Variants in CSMD1 observed in about 807,000 individuals in gnomAD.
CSMD1 encodes CUB and Sushi multiple domains 1, also known as CUB and sushi domain-containing protein 1.
A neutral mutation model predicts 417.5 loss-of-function variants in CSMD1; 213 were observed. The ratio of observed to expected loss-of-function variants is 0.51; its 90% CI spans 0.46 to 0.57. The LOEUF (loss-of-function observed/expected upper bound fraction) is 0.57, where lower values mean the gene tolerates loss of function less well. CSMD1 is among the 20% of genes least tolerant of loss of function. CSMD1 has a pLI of 0.00. For missense variants in CSMD1, 6,923 were observed against 4,529.7 expected, an observed-to-expected ratio of 1.53 and a Z score of -15.17; for synonymous variants, 2,862 against 1,736.8, an observed-to-expected ratio of 1.65 and a Z score of -16.11.
At chr8:4,199,243 G>T (rs1266535010) in intron 3 of CSMD1, among the ~76,000 whole-genome samples, 1 of 152,220 alleles carries the variant, frequency 6.6e-6, no homozygotes, top group Non-Finnish European at 1.5e-5. Flanking sequence ...CTAGCCTATA[G>T]TGTGAACACG....
At position 2,939,334 on chromosome 8, in the gene CSMD1, G is replaced by A. The variant is rs141297133; in HGVS notation, c.10536-590C>T. Among the ~76,000 whole-genome samples, 12 of 152,228 alleles carry A rather than the reference G, an allele frequency of 7.9e-5. No homozygotes were observed. In the East Asian group the frequency reaches 9.6e-4, roughly 12 times the overall value. On this transcript the variant is annotated intron_variant, in intron 69 of 69. Coordinates refer to ENST00000635120, the MANE Select transcript of CSMD1 (RefSeq NM_033225.6). ...AAGTTTAAGCTTTTAGTTCACTGTC[G>A]TTACTAATATTCACAAAAAGTTATT...
At chr8:3,113,580 A>G (rs1816668334) in intron 42 of CSMD1, among the ~76,000 whole-genome samples, 1 of 152,228 alleles carries the variant, frequency 6.6e-6, no homozygotes, top group South Asian at 2.1e-4. Context: ...ATGCCCAGGT[A>G]CCCTGGCGCC....
chr8:4,462,543 C>A (rs897061858), intron 2 of CSMD1, among the ~76,000 whole-genome samples: 3 of 152,068 alleles, frequency 2.0e-5, no homozygotes, highest in African/African-American at 7.2e-5. Context: ...TCAAAACAAT[C>A]TTTAAAAAAG....
chr8:4,440,948 G>A (rs997902058), intron 2 of CSMD1, among the ~76,000 whole-genome samples: 2 of 150,530 alleles, frequency 1.3e-5, no homozygotes, highest in Non-Finnish European at 2.9e-5. Flanking sequence ...AGCGAGCCGA[G>A]ATCATGCCAC....
chr8:3,398,855 A>G (rs991471437), intron 16 of CSMD1, among the ~76,000 whole-genome samples: 1 of 152,198 alleles, frequency 6.6e-6, no homozygotes, highest in African/African-American at 2.4e-5. Flanking sequence ...TTTTTAGATC[A>G]TGAAATGCAT....
chr8:4,228,369 C>G (rs187960442), intron 3 of CSMD1, among the ~76,000 whole-genome samples: 37 of 152,122 alleles, frequency 2.4e-4, no homozygotes, highest in Non-Finnish European at 7.3e-5. Flanking sequence ...CAGTTTTCCT[C>G]TGAAACCGCT....
At chr8:4,458,774 A>G (rs1476465036) in intron 2 of CSMD1, among the ~76,000 whole-genome samples, 2 of 152,140 alleles carry the variant, frequency 1.3e-5, no homozygotes, top group African/African-American at 4.8e-5. Context: ...ATTGAATAAG[A>G]TAACGGTTAG....
chr8:3,825,911 G>A (rs1802030630), intron 5 of CSMD1, among the ~76,000 whole-genome samples: 1 of 152,176 alleles, frequency 6.6e-6, no homozygotes, highest in African/African-American at 2.4e-5. Flanking sequence ...AATCAGACAT[G>A]CAGGTAAGAA....
chr8:3,226,509 G>T (rs1489775679), intron 27 of CSMD1, among the ~76,000 whole-genome samples: 1 of 151,296 alleles, frequency 6.6e-6, no homozygotes, highest in Non-Finnish European at 1.5e-5. Context: ...CTTGAACCTG[G>T]GAGCGGAGGC....
chr8:3,724,593 G>C (rs988129396), intron 6 of CSMD1, among the ~76,000 whole-genome samples: 3 of 152,138 alleles, frequency 2.0e-5, no homozygotes, highest in South Asian at 2.1e-4. Context: ...GAATTAGGGA[G>C]GGGGAATGAG....
Position 3,453,639 on chromosome 8 carries a change from T to C in CSMD1, c.1561+15073A>G, listed in dbSNP as rs534326485. The stretch of plus-strand genomic sequence containing the variant: ...GAGTAGTTTTGAGAGACTTTCTTAA[T>C]CCTGAATTGTAGTTTTATTGCACTG... On this transcript the variant is annotated intron_variant, in intron 12 of 69. Coordinates refer to ENST00000635120, the MANE Select transcript of CSMD1 (RefSeq NM_033225.6). 1.2e-4 allele frequency among the ~76,000 whole-genome samples: 19 copies of C among 152,364 alleles called. 2 individuals carry two copies. The South Asian group carries it at 3.5e-3, about 28-fold the overall frequency.
At chr8:4,449,577 C>A (rs1425424266) in intron 2 of CSMD1, among the ~76,000 whole-genome samples, 1 of 152,260 alleles carries the variant, frequency 6.6e-6, no homozygotes, top group East Asian at 1.9e-4. Context: ...AATTATTTAG[C>A]CATTCCCATA....
chr8:3,395,763 A>C (rs1437033935), intron 17 of CSMD1, among the ~76,000 whole-genome samples: 1 of 152,134 alleles, frequency 6.6e-6, no homozygotes, highest in Non-Finnish European at 1.5e-5. Flanking sequence ...GTCTATCTAT[A>C]CTCAGATTCG....
At chr8:3,510,764 G>T (rs932199298) in intron 10 of CSMD1, among the ~76,000 whole-genome samples, 7 of 151,962 alleles carry the variant, frequency 4.6e-5, no homozygotes, top group Non-Finnish European at 8.8e-5. Context: ...GACCAGTGAG[G>T]ATGAGCTTTT....
At chr8:3,761,594 C>T (rs1238601679) in intron 5 of CSMD1, among the ~76,000 whole-genome samples, 1 of 151,230 alleles carries the variant, frequency 6.6e-6, no homozygotes, top group Non-Finnish European at 1.5e-5. Flanking sequence ...CATCCTCTCC[C>T]CACCAGGTTC....
At chr8:3,547,167 T>C (rs1408274175) in intron 10 of CSMD1, among the ~76,000 whole-genome samples, 1 of 152,180 alleles carries the variant, frequency 6.6e-6, no homozygotes, top group Non-Finnish European at 1.5e-5. Context: ...TTGGCAAAGA[T>C]GAATACCTTG....
chr8:3,570,126 T>G (rs555554154), intron 10 of CSMD1, among the ~76,000 whole-genome samples: 1 of 152,358 alleles, frequency 6.6e-6, no homozygotes, highest in South Asian at 2.1e-4. Context: ...TGGACAAGTT[T>G]AAAAGTCCAC....
chr8:3,229,071 A>AT (rs1342608408), intron 27 of CSMD1, among the ~76,000 whole-genome samples: 20 of 152,170 alleles, frequency 1.3e-4, no homozygotes, highest in Non-Finnish European at 1.5e-5. Flanking sequence ...GTGGTTTGTC[A>AT]TAAGTAGGAG....
intron 1 of CSMD1, among the ~76,000 whole-genome samples, chr8:4,967,936 A>G (rs1809987645): frequency 6.6e-6 from 1 of 152,140 alleles, no homozygotes; most frequent in Non-Finnish European, 1.5e-5. Context: ...AAATGATTGA[A>G]AATGATGTAT....
Sources: gnomAD v4.1 joint callset for allele counts (sites outside exome capture counted in the v4.1 genomes callset) on GRCh38, gnomAD v4.1.1 for gene constraint, MANE v1.5 for transcripts, NCBI Gene and HGNC (gene_info 2026-07-23, HGNC 2026-07-21) for gene names.